Variants in CADM2 observed in about 807,000 individuals in gnomAD.
CADM2 encodes the protein immunoglobulin superfamily member 4D.
A neutral mutation model predicts 49.8 loss-of-function variants in CADM2; 12 were observed. The ratio of observed to expected loss-of-function variants is 0.24; its 90% confidence interval spans 0.15 to 0.39. The LOEUF (loss-of-function observed/expected upper bound fraction) is 0.39. CADM2 is among the 10% of genes least tolerant of loss of function. The probability of loss-of-function intolerance (pLI) is 1.00; values close to 1 mark genes in which losing one functional copy is unlikely to be tolerated. For missense variants in CADM2, 378 were observed against 492.3 expected (o/e 0.77, Z 2.20); for synonymous variants, 214 against 175.4 (o/e 1.22, Z -1.74).
chr3:85,553,729 T>C (rs958887121), intron 1 of CADM2, among the ~76,000 whole-genome samples: 2 of 152,196 alleles, frequency 1.3e-5, no homozygotes, highest in East Asian at 1.9e-4. Context: ...CATTCTCTTA[T>C]GTCAATTCAG....
chr3:85,009,222 C>A (rs1388299677), intron 1 of CADM2, among the ~76,000 whole-genome samples: 2 of 152,126 alleles, frequency 1.3e-5, no homozygotes, highest in Non-Finnish European at 2.9e-5. Context: ...TAATTCCTCC[C>A]TGCAAATTCA....
intron 1 of CADM2, among the ~76,000 whole-genome samples, chr3:85,639,853 AT>A (rs2064652907): frequency 6.6e-6 from 1 of 152,210 alleles, no homozygotes. Flanking sequence ...AATAAAAAAA[AT>A]GACATGAAAG....
At position 85,619,150 on chromosome 3, in the gene CADM2, G is replaced by A. The variant is rs373773882; in HGVS notation, c.62-107372G>A. The stretch of plus-strand genomic sequence containing the variant: ...AAACAGACAGGGTATTAAAATTTTG[G>A]ACACTGTAACTGTGGACTCTTTCTC... On this transcript the variant is annotated intron_variant, in intron 1 of 9. Coordinates refer to ENST00000383699, the MANE Select transcript of CADM2 (RefSeq NM_001167675.2). Among the ~76,000 whole-genome samples the A allele has an allele frequency of 1.2e-4, 18 of 152,194 alleles. No individual in the cohort carries two copies. The East Asian group carries it at 3.3e-3, about 28-fold the overall frequency.
At chr3:85,345,113 C>A (rs564257984) in intron 1 of CADM2, among the ~76,000 whole-genome samples, 1 of 151,574 alleles carries the variant, frequency 6.6e-6, no homozygotes, top group Admixed American at 6.6e-5. Flanking sequence ...GTCAGGAGTT[C>A]GAGAGCAGCC....
At chr3:85,247,585 G>T (rs1164640877) in intron 1 of CADM2, among the ~76,000 whole-genome samples, 1 of 152,092 alleles carries the variant, frequency 6.6e-6, no homozygotes, top group Non-Finnish European at 1.5e-5. Flanking sequence ...TTCTATAAAT[G>T]ATTATAAATT....
At chr3:85,995,502 A>G (rs1413870814) in intron 8 of CADM2, among the ~76,000 whole-genome samples, 1 of 152,176 alleles carries the variant, frequency 6.6e-6, no homozygotes, top group Non-Finnish European at 1.5e-5. Flanking sequence ...GGAAATTTTA[A>G]AATAGTACAA....
chr3:85,029,014 G>A (rs538454636), intron 1 of CADM2, among the ~76,000 whole-genome samples: 17 of 151,450 alleles, frequency 1.1e-4, no homozygotes, highest in South Asian at 1.0e-3. Context: ...ATTATAACAC[G>A]TATTTAATAC....
intron 1 of CADM2, among the ~76,000 whole-genome samples, chr3:85,255,000 C>T (rs2107871387): frequency 6.6e-6 from 1 of 152,136 alleles, no homozygotes; most frequent in East Asian, 1.9e-4. Flanking sequence ...TTTTTCATAT[C>T]CTACTGGGAT....
intron 1 of CADM2, among the ~76,000 whole-genome samples, chr3:85,417,060 G>GA (rs1553720743): frequency 6.6e-6 from 1 of 151,764 alleles, no homozygotes; most frequent in Non-Finnish European, 1.5e-5. Context: ...CTAACATGTA[G>GA]AAAAATGTTC....
intron 1 of CADM2, among the ~76,000 whole-genome samples, chr3:85,442,613 T>TATATATATAC (rs1329851156): frequency 2.0e-5 from 2 of 97,954 alleles, no homozygotes; most frequent in African/African-American, 6.1e-5. Context: ...TATATATATA[T>TATATATATAC]ATATATATAT....
intron 1 of CADM2, among the ~76,000 whole-genome samples, chr3:85,433,608 C>A (rs1223813085): frequency 6.6e-6 from 1 of 152,066 alleles, no homozygotes; most frequent in Non-Finnish European, 1.5e-5. Flanking sequence ...ATGGGTTATG[C>A]TGAGAGAAAG....
chr3:85,950,901 A>C (rs908967701), intron 7 of CADM2, among the ~76,000 whole-genome samples: 1 of 151,092 alleles, frequency 6.6e-6, no homozygotes, highest in Non-Finnish European at 1.5e-5. Flanking sequence ...TCAGCGTTTC[A>C]ATTTACAGTT....
chr3:85,905,003 T>G (rs543783184), intron 5 of CADM2, among the ~76,000 whole-genome samples: 1 of 152,288 alleles, frequency 6.6e-6, no homozygotes, highest in East Asian at 1.9e-4. Context: ...TTTGTAAAAT[T>G]TATATGGAAA....
At chr3:85,802,532 T>A (rs1186196109) in intron 3 of CADM2, among the ~76,000 whole-genome samples, 1 of 152,174 alleles carries the variant, frequency 6.6e-6, no homozygotes, top group African/African-American at 2.4e-5. Context: ...CCTGATAATA[T>A]AATATGATTT....
At chr3:85,573,888 A>G (rs2062554201) in intron 1 of CADM2, among the ~76,000 whole-genome samples, 1 of 152,034 alleles carries the variant, frequency 6.6e-6, no homozygotes, top group African/African-American at 2.4e-5. Flanking sequence ...TCACCACATC[A>G]CCAATACGGA....
At chr3:85,780,276 T>G (rs2070572071) in intron 2 of CADM2, among the ~76,000 whole-genome samples, 1 of 152,190 alleles carries the variant, frequency 6.6e-6, no homozygotes, top group Non-Finnish European at 1.5e-5. Flanking sequence ...CTTAAAATAG[T>G]GTACTTATTC....
intron 5 of CADM2, among the ~76,000 whole-genome samples, chr3:85,907,136 G>A (rs1285258032): frequency 1.3e-5 from 2 of 152,122 alleles, no homozygotes; most frequent in Non-Finnish European, 2.9e-5. Context: ...CTCATGTAAT[G>A]CGTATATTTT....
intron 7 of CADM2, among the ~76,000 whole-genome samples, chr3:85,959,036 CTATATCTA>C (rs149143118): frequency 6.7e-5 from 10 of 148,908 alleles, no homozygotes; most frequent in East Asian, 4.0e-4. Flanking sequence ...AAATCTATAT[CTATATCTA>C]TATATCTATA....
At chr3:85,515,372 G>T (rs1215788278) in intron 1 of CADM2, among the ~76,000 whole-genome samples, 2 of 150,128 alleles carry the variant, frequency 1.3e-5, no homozygotes, top group South Asian at 2.1e-4. Context: ...ATCATCATTA[G>T]ATTTTCTTTT....
Sources: allele counts gnomAD v4.1 joint callset (sites outside exome capture counted in the v4.1 genomes callset), GRCh38; gene constraint gnomAD v4.1.1; transcripts MANE v1.5; gene names NCBI Gene and HGNC (gene_info 2026-07-23, HGNC 2026-07-21).